The following POLD1 variants were observed in gnomAD, a reference collection of about 807,000 sequenced individuals.
POLD1 encodes the protein DNA polymerase delta 1, catalytic subunit.
A neutral mutation model predicts 129.7 loss-of-function variants in POLD1; 79 were observed. The ratio of observed to expected loss-of-function variants is 0.61; its 90% CI spans 0.51 to 0.73. The LOEUF is 0.73. Ranked by LOEUF, POLD1 falls within the 30% of genes least tolerant of loss-of-function variation. The probability of loss-of-function intolerance (pLI) is 0.00; values close to 1 mark genes in which losing one functional copy is unlikely to be tolerated. For synonymous variants in POLD1, 714 were observed against 683.3 expected, an observed-to-expected ratio of 1.04 and a Z score of -0.70; for missense variants, 1,338 against 1,595.8, an observed-to-expected ratio of 0.84 and a Z score of 2.75.
rs763443242 is a variant in POLD1, at chr19:50,414,944, G to A, written c.2518G>A (p.Val840Met). The change falls in exon 20 of 27, where the codon GTG (valine) becomes ATG (methionine). Residue 840 changes from valine (V) to methionine (M), a missense_variant. This residue lies in a region of POLD1 where 720 missense variants were observed against 1,002.6 expected (regional missense o/e 0.72). Coordinates refer to ENST00000440232, the MANE Select transcript of POLD1 (RefSeq NM_002691.4). ...CGTGCGCAGGGACAACTGCCCCCTC[G>A]TGGCCAACCTGGTCACTGCCTCACT... is the stretch of plus-strand genomic sequence containing the variant. ...EAVRRDNCPLVANLVTASLRR... is the reference protein window; with the variant it reads ...EAVRRDNCPLMANLVTASLRR... 8 of 1,607,480 alleles carry A rather than the reference G, an allele frequency of 5.0e-6. No individual in the cohort carries two copies. The highest frequency in any genetic ancestry group is 1.3e-5 in the African/African-American group (1 of 74,776).
At chr19:50,415,293 C>A in intron 20 of POLD1, 145 bp from the exon 21 acceptor site, 1 of 810,820 alleles carries the variant, frequency 1.2e-6, no homozygotes, top group Non-Finnish European at 1.9e-6. Context: ...CTCTGCCACT[C>A]TGCAGCCTAT....
Position 50,403,049 on chromosome 19 carries a change from G to A in POLD1, c.971-4G>A, listed in dbSNP as rs200144991. 444 of 1,555,740 alleles carry A rather than the reference G, an allele frequency of 2.9e-4. 4 individuals carry two copies. In the African/African-American group the frequency reaches 5.1e-3, roughly 18 times the overall value. ...TCAGGCCCCTGCATCCTCCTGCCTC[G>A]CAGGCATCTTCCCTGAGCCTGAGCG... On this transcript the variant is annotated splice_polypyrimidine_tract_variant and splice_region_variant and intron_variant, in intron 8 of 26. Transcript: ENST00000440232.
intron 14 of POLD1, among the ~76,000 whole-genome samples, chr19:50,408,431 A>G (rs2038976633): frequency 6.6e-6 from 1 of 152,072 alleles, no homozygotes; most frequent in Non-Finnish European, 1.5e-5. Flanking sequence ...TCTGTCACCC[A>G]GGGTGGAGTG....
At chr19:50,398,037 G>T (rs933913042) in intron 1 of POLD1, among the ~76,000 whole-genome samples, 2 of 152,220 alleles carry the variant, frequency 1.3e-5, no homozygotes, top group Admixed American at 6.5e-5. Context: ...GTAACAATAT[G>T]ATGTGCATAC....
intron 1 of POLD1, among the ~76,000 whole-genome samples, chr19:50,390,023 C>G (rs1315488068): frequency 6.6e-6 from 1 of 151,780 alleles, no homozygotes; most frequent in Non-Finnish European, 1.5e-5. Flanking sequence ...ATTCTCCTGC[C>G]TCAGCCTCCC....
At chr19:50,389,723 A>G (rs2038088703) in intron 1 of POLD1, among the ~76,000 whole-genome samples, 2 of 151,436 alleles carry the variant, frequency 1.3e-5, no homozygotes, top group Non-Finnish European at 2.9e-5. Context: ...AATAGCTGGA[A>G]TTACAGGCAT....
rs1057521470 is a variant in POLD1 at position 50,406,335 on chromosome 19, G to C, written c.1383+13G>C. On this transcript the variant is annotated intron_variant, in intron 11 of 26. Transcript: ENST00000440232. The surrounding 1 kb of genome is among the most constrained non-coding windows in gnomAD (Gnocchi z 5.5). ...GGACATGCTGCAGGTATGGGCGGGAGGTGGGGTGTGTCCCTGTCCTTGGAA... is the reference window on the plus strand; with the variant it reads ...GGACATGCTGCAGGTATGGGCGGGACGTGGGGTGTGTCCCTGTCCTTGGAA... 1 of 1,613,476 alleles carries C rather than the reference G, an allele frequency of 6.2e-7. No individual in the cohort carries two copies. Among genetic ancestry groups the C allele is most frequent in the Admixed American group, 1.7e-5 (1 of 59,986 alleles).
chr19:50,399,565 T>G, intron 3 of POLD1, 81 bp downstream of exon 3: 1 of 1,060,258 alleles, frequency 9.4e-7, no homozygotes, highest in Non-Finnish European at 1.4e-6. Flanking sequence ...CCTCTGGCCC[T>G]GTGCTCCTGG....
chr19:50,417,967 GGC>G lies in POLD1; in HGVS notation c.*22_*23del. On this transcript the variant is annotated 3_prime_UTR_variant, in exon 27 of 27. Coordinates refer to ENST00000440232, the MANE Select transcript of POLD1 (RefSeq NM_002691.4). ...TGGTGACCTTGCAAGCATCCCATGG[GGC>G]GGGGGCGGGACCAGGGAGAATTAAT... 1 of 1,451,974 alleles carries G rather than the reference GGC, an allele frequency of 6.9e-7. No homozygotes were observed. The highest frequency in any genetic ancestry group is 9.6e-7 in the Non-Finnish European group (1 of 1,039,444). The allele number at this position is 1,451,974 out of a possible 1,614,324, so 89.9% of individuals were successfully genotyped here.
chr19:50,384,536 C>T (rs1303780892), intron 1 of POLD1, 146 bp downstream of exon 1: 1 of 151,562 alleles, frequency 6.6e-6, no homozygotes, highest in East Asian at 2.0e-4. Context: ...CCAGGGGTTT[C>T]CTGGGCGAGG....
rs769127321 is a variant in POLD1 at position 50,401,973 on chromosome 19, A to G, written c.464-26A>G. The G allele has an allele frequency of 7.4e-6, 12 of 1,613,464 alleles. No homozygotes were observed. The Middle Eastern group carries it at 4.9e-4, about 67-fold the overall frequency. On this transcript the variant is annotated intron_variant, in intron 4 of 26. Coordinates refer to ENST00000440232, the MANE Select transcript of POLD1 (RefSeq NM_002691.4). Reference sequence around the variant, plus strand: ...TCCCTGAGCCACTGGAGCCCCCTGCACCTCTGATCATCCCTCCCACACCAG... The same window carrying G: ...TCCCTGAGCCACTGGAGCCCCCTGCGCCTCTGATCATCCCTCCCACACCAG...
At chr19:50,414,598 T>C (rs2039205876) in intron 19 of POLD1, among the ~76,000 whole-genome samples, 1 of 152,226 alleles carries the variant, frequency 6.6e-6, no homozygotes, top group Non-Finnish European at 1.5e-5. Context: ...CTGTTTCAGA[T>C]TGGGGTCTCT....
Position 50,406,049 on chromosome 19 carries a change from C to A in POLD1, c.1243-133C>A. 1 of 1,057,252 alleles carries A rather than the reference C, an allele frequency of 9.5e-7. No individual in the cohort carries two copies. Among genetic ancestry groups the A allele is most frequent in the South Asian group, 1.5e-5 (1 of 68,830 alleles). 65.5% of individuals were successfully genotyped at this position (1,057,252 alleles called of 1,614,324 possible). A position where few individuals can be genotyped will look rare whatever the true frequency, so the allele number is the denominator to read the frequency against. On this transcript the variant is annotated intron_variant, in intron 10 of 26. Transcript: ENST00000440232. The surrounding 1 kb of genome is among the most constrained non-coding windows in gnomAD (Gnocchi z 5.5). ...CCACCCACACCCAGCCCCAGACCGTCTTTCTGCCCCCAGGGTTGCTCTCGA... is the reference window on the plus strand; with the variant it reads ...CCACCCACACCCAGCCCCAGACCGTATTTCTGCCCCCAGGGTTGCTCTCGA...
rs543283202 is a variant in POLD1, at chr19:50,416,342, C to T, written c.2821-54C>T. The T allele has an allele frequency of 2.6e-6, 4 of 1,535,820 alleles. No individual in the cohort carries two copies. The Admixed American group carries it at 7.9e-5, about 30-fold the overall frequency. ...CCCAGGCCCCATGACCACCCCGTGT[C>T]CACCCCGGTGCCCTTTCCCTGGCTG... On this transcript the variant is annotated intron_variant, in intron 22 of 26. Coordinates refer to ENST00000440232, the MANE Select transcript of POLD1 (RefSeq NM_002691.4).
Position 50,416,527 on chromosome 19 carries a change from G to A in POLD1, c.2952G>A (p.Leu984=). Residue 984 remains leucine, a splice_region_variant and synonymous_variant, in exon 23 of 27, where the codon CTG becomes CTA. Coordinates refer to ENST00000440232, the MANE Select transcript of POLD1 (RefSeq NM_002691.4). ...AGGGCCGTGCCGAGGCTGTGCTACTGCGTACGGGGGCACCAGGGGACTGGG... is the reference window on the plus strand; with the variant it reads ...AGGGCCGTGCCGAGGCTGTGCTACTACGTACGGGGGCACCAGGGGACTGGG... The part of the protein sequence containing the change: ...LGEGRAEAVL[L]RGDHTRCKTV... 6.4e-7 allele frequency: 1 copy of A among 1,552,214 alleles called. No individual in the cohort carries two copies. The highest frequency in any genetic ancestry group is 1.2e-5 in the South Asian group (1 of 84,408).
At chr19:50,399,928 C>CCT (rs1231925352) in intron 3 of POLD1, among the ~76,000 whole-genome samples, 1 of 151,276 alleles carries the variant, frequency 6.6e-6, no homozygotes, top group African/African-American at 2.4e-5. Flanking sequence ...GATTCTCCTG[C>CCT]CTCAGCCTCC....
chr19:50,395,943 C>G (rs1411952840), intron 1 of POLD1, among the ~76,000 whole-genome samples: 1 of 123,844 alleles, frequency 8.1e-6, no homozygotes, highest in African/African-American at 3.1e-5. Context: ...GTCTTAAACT[C>G]CTGGGCTCAA....
At chr19:50,385,526 C>CTTTTT (rs760846797) in intron 1 of POLD1, among the ~76,000 whole-genome samples, 1 of 128,920 alleles carries the variant, frequency 7.8e-6, no homozygotes, top group Non-Finnish European at 1.6e-5. Context: ...ACTGTCTTCT[C>CTTTTT]TTTTTTTTTT....
At chr19:50,403,847 C>G (rs1308597129) in intron 10 of POLD1, among the ~76,000 whole-genome samples, 1 of 152,196 alleles carries the variant, frequency 6.6e-6, no homozygotes, top group Admixed American at 6.6e-5. Context: ...CAAGGTCGGC[C>G]TGAAGCTTGC....
Sources: gnomAD v4.1 joint callset for allele counts (sites outside exome capture counted in the v4.1 genomes callset) on GRCh38, gnomAD v4.1.1 for gene constraint, gnomAD v4.1.1 regional missense constraint, Gnocchi (gnomAD v3.1) non-coding constraint, MANE v1.5 for transcripts, NCBI Gene and HGNC (gene_info 2026-07-23, HGNC 2026-07-21) for gene names.